Variants in EFCAB6 observed in about 807,000 individuals in gnomAD.
EFCAB6 encodes EF-hand calcium-binding domain-containing protein 6.
A neutral mutation model predicts 169.8 loss-of-function variants in EFCAB6; 156 were observed. The observed-to-expected ratio is 0.92, with a 90% CI of 0.81 to 1.05. The LOEUF (loss-of-function observed/expected upper bound fraction) is 1.05, where lower values mean the gene tolerates loss of function less well. Ranked by LOEUF, EFCAB6 falls within the 50% of genes least tolerant of loss-of-function variation. The pLI, the probability that EFCAB6 is intolerant of heterozygous loss-of-function variation, is 0.00. For missense variants in EFCAB6, 1,800 were observed against 1,829.1 expected, an observed-to-expected ratio of 0.98 and a Z score of 0.29; for synonymous variants, 698 against 676.4, an observed-to-expected ratio of 1.03 and a Z score of -0.50.
At chr22:43,586,340 AT>A (rs36058832) in intron 24 of EFCAB6, among the ~76,000 whole-genome samples, 2,919 of 72,574 alleles carry the variant, frequency 0.04, 80 homozygotes, top group African/African-American at 0.18. Flanking sequence ...GCAACAACTG[AT>A]TTTTTTTTTT....
In EFCAB6 at chr22:43,668,957, C is replaced by G. The variant is rs2057373279; in HGVS notation, c.1729G>C (p.Val577Leu). The change falls in exon 16 of 32, where the codon GTC becomes CTC. Residue 577 changes from valine (V) to leucine (L), a missense_variant. Coordinates refer to ENST00000262726, the MANE Select transcript of EFCAB6 (RefSeq NM_022785.4). The part of the protein sequence containing the change: ...ACIGIDGPPT[V>L]SPVLVPKDQL... The stretch of plus-strand genomic sequence containing the variant: ...TCCTTTGGAACAAGAACTGGAGAGA[C>G]AGTGGGTGGGCCATCAATTCCTATG... 1.2e-6 allele frequency: 2 copies of G among 1,613,458 alleles called. No individual in the cohort carries two copies. Among genetic ancestry groups the G allele is most frequent in the Non-Finnish European group, 1.7e-6 (2 of 1,179,736 alleles).
chr22:43,638,115 A>T (rs1307157053), intron 17 of EFCAB6, among the ~76,000 whole-genome samples: 1 of 152,150 alleles, frequency 6.6e-6, no homozygotes, highest in East Asian at 1.9e-4. Flanking sequence ...TGCAAGTGCC[A>T]TTCCCAGAAG....
At chr22:43,779,112 A>C (rs1394352799) in intron 3 of EFCAB6, among the ~76,000 whole-genome samples, 1 of 152,214 alleles carries the variant, frequency 6.6e-6, no homozygotes, top group Non-Finnish European at 1.5e-5. Context: ...ATTTTTAAAG[A>C]GCACATGAAA....
rs1238865152 is a variant in EFCAB6, at chr22:43,795,124, C to A, written c.-7-12799G>T. The stretch of plus-strand genomic sequence containing the variant: ...GACCCACCCCCACAAACCTAGAAAT[C>A]AAATGAAAAACAACAAACTGCGGAA... On this transcript the variant is annotated intron_variant, in intron 2 of 31. Coordinates refer to ENST00000262726, the MANE Select transcript of EFCAB6 (RefSeq NM_022785.4). This position sits in a 1 kb window ranked among gnomAD's most constrained non-coding sequence, Gnocchi z 4.2. Among the ~76,000 whole-genome samples, 1 of 152,038 alleles carries A rather than the reference C, an allele frequency of 6.6e-6. No homozygotes were observed. The highest frequency in any genetic ancestry group is 2.4e-5 in the African/African-American group (1 of 41,370).
At chr22:43,804,781 A>G (rs2062854806) in intron 2 of EFCAB6, among the ~76,000 whole-genome samples, 1 of 150,106 alleles carries the variant, frequency 6.7e-6, no homozygotes, top group African/African-American at 2.5e-5. Context: ...AAAAAAAATC[A>G]GAGGATAAAT....
intron 15 of EFCAB6, 51 bp downstream of exon 15, chr22:43,671,922 C>T: frequency 6.3e-7 from 1 of 1,593,288 alleles, no homozygotes; most frequent in African/African-American, 1.3e-5. Context: ...AATTATGGAA[C>T]AGGCCTGATG....
In EFCAB6 at chr22:43,530,549, G is replaced by A. The variant is rs570330171; in HGVS notation, c.4383+266C>T. 13 of 985,424 alleles carry A rather than the reference G, an allele frequency of 1.3e-5. No individual in the cohort carries two copies. In the East Asian group the frequency reaches 1.2e-3, roughly 95 times the overall value. The allele number at this position is 985,424 out of a possible 1,614,324, so 61.0% of individuals were successfully genotyped here. ...AGTGCCTTAAGGAACCTGGGCTCAGGCACTGACCCTGAGGAGCTGGCGATG... is the reference window on the plus strand; with the variant it reads ...AGTGCCTTAAGGAACCTGGGCTCAGACACTGACCCTGAGGAGCTGGCGATG... On this transcript the variant is annotated intron_variant, in intron 31 of 31. Transcript: ENST00000262726.
chr22:43,670,716 G>T (rs923816600), intron 15 of EFCAB6, among the ~76,000 whole-genome samples: 1 of 152,198 alleles, frequency 6.6e-6, no homozygotes, highest in South Asian at 2.1e-4. Context: ...GAACAAACCA[G>T]AACAACGCCT....
chr22:43,709,988 T>C (rs1398820236), intron 10 of EFCAB6, among the ~76,000 whole-genome samples: 1 of 152,148 alleles, frequency 6.6e-6, no homozygotes, highest in Non-Finnish European at 1.5e-5. Context: ...ACATTTTCCA[T>C]CCCCTTCTCT....
Position 43,640,980 on chromosome 22 carries a change from G to A in EFCAB6, c.1984-5764C>T, listed in dbSNP as rs146429146. 5.6e-3 allele frequency among the ~76,000 whole-genome samples: 852 copies of A among 152,166 alleles called. 6 individuals carry two copies. The highest frequency in any genetic ancestry group is 0.019 in the African/African-American group (785 of 41,518). ...CGGTCCTCCCCAGCCTGGGTGACCA[G>A]AAAAAAAGTCTTAAGCTTCCATACC... On this transcript the variant is annotated intron_variant, in intron 17 of 31. Transcript: ENST00000262726.
rs1419092876 is a variant in EFCAB6 at position 43,580,533 on chromosome 22, C to T, written c.3159G>A (p.Thr1053=). 3.1e-6 allele frequency: 5 copies of T among 1,613,982 alleles called. No individual in the cohort carries two copies. The highest frequency in any genetic ancestry group is 1.3e-5 in the African/African-American group (1 of 74,892). Residue 1053 remains threonine, a synonymous_variant, in exon 25 of 32, where the codon ACG becomes ACA. Coordinates refer to ENST00000262726, the MANE Select transcript of EFCAB6 (RefSeq NM_022785.4). The part of the protein sequence containing the change: ...KEESMPINFA[T]LNPQEAVRKI... ...TCCTCACAGCCTCCTGTGGATTCAG[C>T]GTTGCAAAATTGATTGGCATGCTCT...
chr22:43,636,662 G>T (rs1054969508), intron 17 of EFCAB6, among the ~76,000 whole-genome samples: 1 of 147,770 alleles, frequency 6.8e-6, no homozygotes. Context: ...CCAGGCTGGA[G>T]TGCAACGGTG....
chr22:43,694,377 T>C (rs1603234168), intron 10 of EFCAB6, among the ~76,000 whole-genome samples: 1 of 152,166 alleles, frequency 6.6e-6, no homozygotes, highest in East Asian at 1.9e-4. Context: ...GTGAATTCTA[T>C]CAAACATTTA....
chr22:43,714,218 A>G (rs2007408), intron 9 of EFCAB6, among the ~76,000 whole-genome samples: 68,625 of 151,908 alleles, frequency 0.45, 15,948 homozygotes, highest in African/African-American at 0.53. Context: ...GAAGAATCTC[A>G]ATGAAGCAGA....
chr22:43,629,772 C>T (rs963437999), intron 19 of EFCAB6, among the ~76,000 whole-genome samples: 1 of 152,112 alleles, frequency 6.6e-6, no homozygotes, highest in South Asian at 2.1e-4. Context: ...AATGTGCAAA[C>T]GCTTAGAGGC....
chr22:43,651,104 A>C (rs2056444664), intron 17 of EFCAB6, among the ~76,000 whole-genome samples: 1 of 152,234 alleles, frequency 6.6e-6, no homozygotes, highest in Non-Finnish European at 1.5e-5. Flanking sequence ...GAGAATATTA[A>C]TCCCCAAGAC....
chr22:43,787,578 A>C (rs1221699794), intron 2 of EFCAB6, among the ~76,000 whole-genome samples: 1 of 152,220 alleles, frequency 6.6e-6, no homozygotes, highest in African/African-American at 2.4e-5. Flanking sequence ...GTGCACTAAA[A>C]ACTACACAAT....
intron 2 of EFCAB6, among the ~76,000 whole-genome samples, chr22:43,792,440 A>C (rs67520692): frequency 0.16 from 24,805 of 152,208 alleles, 2,086 homozygotes; most frequent in South Asian, 0.22. Context: ...GAAGGAGCAC[A>C]AAGAGTGATG....
chr22:43,651,507 T>C (rs1292483791), intron 17 of EFCAB6, among the ~76,000 whole-genome samples: 3 of 152,234 alleles, frequency 2.0e-5, no homozygotes, highest in African/African-American at 7.2e-5. Flanking sequence ...GCTAGGGCAG[T>C]GCAGAAGGGA....
Sources: allele counts gnomAD v4.1 joint callset (sites outside exome capture counted in the v4.1 genomes callset), GRCh38; gene constraint gnomAD v4.1.1; non-coding constraint Gnocchi (gnomAD v3.1); transcripts MANE v1.5; gene names NCBI Gene and HGNC (gene_info 2026-07-23, HGNC 2026-07-21).